SUSD6: variants seen among roughly 807,000 people sequenced by gnomAD.
The protein encoded by SUSD6 is sushi domain-containing protein 6.
Under a neutral mutation model 28.4 loss-of-function variants are expected in SUSD6, and 16 were observed. That is an observed-to-expected ratio of 0.56 (90% CI 0.38 to 0.86). SUSD6 has a LOEUF of 0.86. Ranked by LOEUF, SUSD6 falls within the 40% of genes least tolerant of loss-of-function variation. The pLI is 0.00. For missense variants in SUSD6, 341 were observed against 384.2 expected (o/e 0.89, Z 0.94); for synonymous variants, 147 against 159.6 (o/e 0.92, Z 0.59).
chr14:69,667,141 A>C (rs1885753762), intron 2 of SUSD6, among the ~76,000 whole-genome samples: 1 of 152,178 alleles, frequency 6.6e-6, no homozygotes, highest in African/African-American at 2.4e-5. Flanking sequence ...ATTGTTGCAC[A>C]CTAGACTATG....
intron 1 of SUSD6, among the ~76,000 whole-genome samples, chr14:69,635,228 G>A (rs1201310005): frequency 6.6e-6 from 1 of 152,200 alleles, no homozygotes; most frequent in African/African-American, 2.4e-5. Flanking sequence ...CAGCTGTGGA[G>A]TGTAAAGAAA....
intron 1 of SUSD6, among the ~76,000 whole-genome samples, chr14:69,627,759 C>T (rs574014292): frequency 1.2e-3 from 190 of 152,242 alleles, no homozygotes; most frequent in Middle Eastern, 3.4e-3. Flanking sequence ...CCACCGTGCC[C>T]GGCCCAGATG....
chr14:69,670,338 A>G (rs1490108141), intron 2 of SUSD6: 2 of 424,172 alleles, frequency 4.7e-6, no homozygotes, highest in Non-Finnish European at 9.8e-6. Flanking sequence ...TTCCTGCTGA[A>G]TGCCAAGACT....
intron 2 of SUSD6, among the ~76,000 whole-genome samples, chr14:69,684,391 C>T (rs1886041605): frequency 1.3e-5 from 2 of 152,290 alleles, no homozygotes; most frequent in South Asian, 2.1e-4. Context: ...ATCTAGCAGT[C>T]ACTCTTTGTG....
At chr14:69,665,232 AG>A (rs1885721465) in intron 2 of SUSD6, among the ~76,000 whole-genome samples, 1 of 152,144 alleles carries the variant, frequency 6.6e-6, no homozygotes, top group African/African-American at 2.4e-5. Context: ...CTGAAAGATG[AG>A]GGTGTGACTA....
chr14:69,612,632 A>C (rs191534040), intron 1 of SUSD6, among the ~76,000 whole-genome samples: 10 of 152,200 alleles, frequency 6.6e-5, no homozygotes, highest in African/African-American at 2.2e-4. Flanking sequence ...GAGGCGTCAA[A>C]ATAAAGTCTT....
chr14:69,629,404 G>C (rs902203924), intron 1 of SUSD6, among the ~76,000 whole-genome samples: 1 of 152,152 alleles, frequency 6.6e-6, no homozygotes, highest in Admixed American at 6.5e-5. Context: ...TCTACTGAAA[G>C]GCAGCTCCCA....
At chr14:69,692,038 CAAAA>C (rs200335924) in intron 2 of SUSD6, among the ~76,000 whole-genome samples, 1 of 68,300 alleles carries the variant, frequency 1.5e-5, no homozygotes. Flanking sequence ...GACTCCGTCT[CAAAA>C]AAAAAAAAAA....
At chr14:69,640,680 C>G (rs917054700) in intron 1 of SUSD6, among the ~76,000 whole-genome samples, 1 of 151,956 alleles carries the variant, frequency 6.6e-6, no homozygotes, top group African/African-American at 2.4e-5. Flanking sequence ...CAGTGAGACA[C>G]ATTAACCAAC....
chr14:69,710,401 A>G (rs1886446196), intron 5 of SUSD6, among the ~76,000 whole-genome samples: 1 of 152,216 alleles, frequency 6.6e-6, no homozygotes, highest in South Asian at 2.1e-4. Context: ...CTCAAGAAAT[A>G]ATAGAACCAG....
chr14:69,674,998 C>A (rs1885886189), intron 2 of SUSD6, among the ~76,000 whole-genome samples: 1 of 152,174 alleles, frequency 6.6e-6, no homozygotes, highest in Non-Finnish European at 1.5e-5. Context: ...GAACACCCTC[C>A]TGTTAGCAGT....
chr14:69,705,153 TAA>T (rs1035556025), intron 4 of SUSD6, among the ~76,000 whole-genome samples: 2 of 151,732 alleles, frequency 1.3e-5, no homozygotes, highest in African/African-American at 4.8e-5. Flanking sequence ...CTGTCTCTAC[TAA>T]AAATACAAAA....
intron 3 of SUSD6, among the ~76,000 whole-genome samples, chr14:69,703,983 C>G (rs1886349001): frequency 6.6e-6 from 1 of 152,166 alleles, no homozygotes; most frequent in Admixed American, 6.5e-5. Flanking sequence ...AAAAGACCTC[C>G]CACCCTTACT....
intron 1 of SUSD6, among the ~76,000 whole-genome samples, chr14:69,639,253 G>A (rs60716885): frequency 0.086 from 12,843 of 148,902 alleles, 753 homozygotes; most frequent in East Asian, 0.12. Flanking sequence ...GCGTGAACCC[G>A]GGAGGCGGAG....
chr14:69,625,579 A>G (rs147286023), intron 1 of SUSD6, among the ~76,000 whole-genome samples: 3,620 of 152,298 alleles, frequency 0.024, 70 homozygotes, highest in Non-Finnish European at 0.033. Context: ...TCAGCAGAAC[A>G]TGGCCGGTCT....
intron 2 of SUSD6, among the ~76,000 whole-genome samples, chr14:69,665,871 C>T (rs968438387): frequency 2.6e-5 from 4 of 152,186 alleles, no homozygotes; most frequent in African/African-American, 9.7e-5. Flanking sequence ...ACTTCACTGT[C>T]TGTATTTCAC....
At chr14:69,693,069 G>T (rs577743456) in intron 2 of SUSD6, among the ~76,000 whole-genome samples, 12 of 152,310 alleles carry the variant, frequency 7.9e-5, no homozygotes, top group African/African-American at 2.9e-4. Context: ...GCTAATACAC[G>T]TGGAATAGCC....
rs373618996 is a variant in SUSD6, at chr14:69,654,829, C to A, written c.-80-3684C>A. On this transcript the variant is annotated intron_variant, in intron 1 of 5. Coordinates refer to ENST00000342745, the MANE Select transcript of SUSD6 (RefSeq NM_014734.4). ...TGTGTGTGTGAAACAGAGTCTCATT[C>A]TGTCACCCAGGCTGGAGTGCAGTGG... Among the ~76,000 whole-genome samples, 13 of 113,604 alleles carry A rather than the reference C, an allele frequency of 1.1e-4. No individual in the cohort carries two copies. In the South Asian group the frequency reaches 3.7e-3, roughly 32 times the overall value. The allele number at this position is 113,604 out of a possible 152,430, so 74.5% of individuals were successfully genotyped here. A position where few individuals can be genotyped will look rare whatever the true frequency, so the allele number is the denominator to read the frequency against.
chr14:69,697,752 T>A (rs766095047), intron 2 of SUSD6, among the ~76,000 whole-genome samples: 1 of 152,130 alleles, frequency 6.6e-6, no homozygotes, highest in Non-Finnish European at 1.5e-5. Flanking sequence ...GCTCTTACCC[T>A]CCCTGGGTGC....
Sources: allele counts gnomAD v4.1 joint callset (sites outside exome capture counted in the v4.1 genomes callset), GRCh38; gene constraint gnomAD v4.1.1; transcripts MANE v1.5; gene names NCBI Gene and HGNC (gene_info 2026-07-23, HGNC 2026-07-21).